The following TIGAR variants were observed in gnomAD, a reference collection of about 807,000 sequenced individuals.
TIGAR encodes the protein TP53 induced glycolysis regulatory phosphatase.
Under a neutral mutation model 17.9 loss-of-function variants are expected in TIGAR, and 7 were observed. The ratio of observed to expected loss-of-function variants is 0.39; its 90% CI spans 0.22 to 0.73. The LOEUF is 0.73. Among genes scored for constraint, TIGAR ranks in the 30% least tolerant of loss-of-function variants. The pLI, the probability that TIGAR is intolerant of heterozygous loss-of-function variation, is 0.42. For missense variants in TIGAR, 258 were observed against 327.4 expected (o/e 0.79, Z 1.64); for synonymous variants, 94 against 108.6 (o/e 0.87, Z 0.84).
chr12:4,346,843 A>G (rs1171715757), intron 3 of TIGAR, among the ~76,000 whole-genome samples: 1 of 152,224 alleles, frequency 6.6e-6, no homozygotes, highest in Non-Finnish European at 1.5e-5. Context: ...TATCCAAACT[A>G]CAATGAGTAT....
intron 3 of TIGAR, among the ~76,000 whole-genome samples, chr12:4,338,944 C>G (rs1864688562): frequency 7.9e-6 from 1 of 126,780 alleles, no homozygotes; most frequent in African/African-American, 2.9e-5. Flanking sequence ...CCACTGCACT[C>G]CAGCCTGGGC....
chr12:4,348,068 TGAG>T (rs1253690106), intron 3 of TIGAR, among the ~76,000 whole-genome samples: 1 of 151,930 alleles, frequency 6.6e-6, no homozygotes, highest in Non-Finnish European at 1.5e-5. Flanking sequence ...CTCAGGTAGT[TGAG>T]GCTGCAGTGA....
rs925727833 is a variant in TIGAR, at chr12:4,354,912, G to A, written c.*2221G>A. On this transcript the variant is annotated 3_prime_UTR_variant, in exon 6 of 6. Coordinates refer to ENST00000179259, the MANE Select transcript of TIGAR (RefSeq NM_020375.3). ...ACGCCTGGCCTTTTTTTTTTTTTTA[G>A]TAGAGACGGGGTTTCGCCATGTTGG... 2.2e-5 allele frequency among the ~76,000 whole-genome samples: 3 copies of A among 133,508 alleles called. No homozygotes were observed. Among genetic ancestry groups the A allele is most frequent in the East Asian group, 4.6e-4 (2 of 4,346 alleles). 87.6% of individuals were successfully genotyped at this position (133,508 alleles called of 152,430 possible).
chr12:4,346,663 G>A (rs1402107243), intron 3 of TIGAR, among the ~76,000 whole-genome samples: 1 of 152,020 alleles, frequency 6.6e-6, no homozygotes, highest in Non-Finnish European at 1.5e-5. Flanking sequence ...TAAATGGCGA[G>A]TTAATGGATG....
chr12:4,356,170 A>G lies in TIGAR; in HGVS notation c.*3479A>G, dbSNP rs961996889. Among the ~76,000 whole-genome samples the G allele has an allele frequency of 6.6e-5, 10 of 152,160 alleles. No individual in the cohort carries two copies. Among genetic ancestry groups the G allele is most frequent in the African/African-American group, 2.4e-4 (10 of 41,434 alleles). ...GGTTGGAGGCAGGGAAGATGGCAGC[A>G]CTGGCTGTTGGGCCATTTGAAGAAG... On this transcript the variant is annotated 3_prime_UTR_variant, in exon 6 of 6. Coordinates refer to ENST00000179259, the MANE Select transcript of TIGAR (RefSeq NM_020375.3).
At chr12:4,327,791 C>T (rs1864562606) in intron 1 of TIGAR, among the ~76,000 whole-genome samples, 1 of 152,048 alleles carries the variant, frequency 6.6e-6, no homozygotes, top group African/African-American at 2.4e-5. Context: ...CCTCAGCCTC[C>T]CGAGTCGCTG....
chr12:4,331,386 T>A lies in TIGAR; in HGVS notation c.70+69T>A. On this transcript the variant is annotated intron_variant, in intron 2 of 5. Transcript: ENST00000179259. ...AATAAGATGTGTGAGTTAAGCAGATTTGGTGGGGTGGGGTAGACTGGGGGC... is the reference window on the plus strand; with the variant it reads ...AATAAGATGTGTGAGTTAAGCAGATATGGTGGGGTGGGGTAGACTGGGGGC... 2.0e-6 allele frequency: 3 copies of A among 1,491,164 alleles called. No individual in the cohort carries two copies. In the South Asian group the frequency reaches 3.4e-5, roughly 17 times the overall value. The allele number at this position is 1,491,164 out of a possible 1,614,324, so 92.4% of individuals were successfully genotyped here. A position where few individuals can be genotyped will look rare whatever the true frequency, so the allele number is the denominator to read the frequency against.
chr12:4,321,288 T>C lies in TIGAR; in HGVS notation c.17T>C (p.Leu6Pro). 1 of 1,601,402 alleles carries C rather than the reference T, an allele frequency of 6.2e-7. No homozygotes were observed. The change falls in exon 1 of 6, where the codon CTG becomes CCG. Residue 6 changes from leucine (L) to proline (P), a missense_variant. Transcript: ENST00000179259. This position sits in a 1 kb window ranked among gnomAD's most constrained non-coding sequence, Gnocchi z 5.2. MARFA[L>P]TVVRHGETRF... ...TCCGGGAACATGGCTCGCTTCGCTC[T>C]GACTGTTGTCCGGCAGTGAGTATGG... is the stretch of plus-strand genomic sequence containing the variant.
At chr12:4,334,661 G>A (rs1038490929) in intron 2 of TIGAR, among the ~76,000 whole-genome samples, 13 of 152,012 alleles carry the variant, frequency 8.6e-5, no homozygotes, top group Admixed American at 3.9e-4. Flanking sequence ...ATTTGTTTTC[G>A]TCTCAGACCA....
chr12:4,348,338 A>G (rs571714576), intron 3 of TIGAR, among the ~76,000 whole-genome samples: 9 of 152,274 alleles, frequency 5.9e-5, no homozygotes, highest in African/African-American at 2.2e-4. Context: ...CCAAATCCCA[A>G]CCAGGATAAG....
chr12:4,331,673 A>T (rs887502788), intron 2 of TIGAR, among the ~76,000 whole-genome samples: 4 of 152,332 alleles, frequency 2.6e-5, no homozygotes, highest in Non-Finnish European at 5.9e-5. Flanking sequence ...ACTGGTGTTA[A>T]TGGTATTTTT....
Position 4,346,432 on chromosome 12 carries a change from A to G in TIGAR, c.193-3387A>G, listed in dbSNP as rs564585832. ...ATGGAATACTATGCAGCCATAAAAAAGGATGAGTTCATGTCCTCTGTAGGG... is the reference window on the plus strand; with the variant it reads ...ATGGAATACTATGCAGCCATAAAAAGGGATGAGTTCATGTCCTCTGTAGGG... On this transcript the variant is annotated intron_variant, in intron 3 of 5. Transcript: ENST00000179259. 3.2e-4 allele frequency among the ~76,000 whole-genome samples: 48 copies of G among 152,354 alleles called. No homozygotes were observed. The East Asian group carries it at 8.1e-3, about 26-fold the overall frequency.
At chr12:4,335,613 T>C (rs2120663953) in intron 2 of TIGAR, 1 of 152,232 alleles carries the variant, frequency 6.6e-6, no homozygotes, top group East Asian at 1.9e-4. Context: ...AACCCAACCA[T>C]GATGGTACCC....
chr12:4,338,467 G>A (rs112187072), intron 3 of TIGAR, among the ~76,000 whole-genome samples: 2,573 of 152,174 alleles, frequency 0.017, 49 homozygotes, highest in Non-Finnish European at 0.025. Context: ...AATTTGGGGA[G>A]GTTAATTTTT....
rs1317076282 is a variant in TIGAR, at chr12:4,321,855, C to G, written c.32+552C>G. Among the ~76,000 whole-genome samples, 8 of 152,212 alleles carry G rather than the reference C, an allele frequency of 5.3e-5. No individual in the cohort carries two copies. The highest frequency in any genetic ancestry group is 1.2e-4 in the Non-Finnish European group (8 of 68,044). On this transcript the variant is annotated intron_variant, in intron 1 of 5. Transcript: ENST00000179259. The surrounding 1 kb of genome is among the most constrained non-coding windows in gnomAD (Gnocchi z 5.2). ...GAGAAAAGAGGATCACAGCTCTGAT[C>G]TCAGCAGACCGTATCATCCCAAATA... is the stretch of plus-strand genomic sequence containing the variant.
intron 3 of TIGAR, among the ~76,000 whole-genome samples, chr12:4,340,590 A>C (rs909030412): frequency 6.6e-5 from 10 of 152,258 alleles, no homozygotes; most frequent in Non-Finnish European, 1.3e-4. Flanking sequence ...CAGAATGGCC[A>C]AAGCCATCCT....
Position 4,358,458 on chromosome 12 carries a change from T to G in TIGAR, c.*5767T>G, listed in dbSNP as rs542163767. ...GGAATGGCTGTATACTCTTCACACT[T>G]ATTCACCACTTGCTTACCTGTTGTC... On this transcript the variant is annotated 3_prime_UTR_variant, in exon 6 of 6. Transcript: ENST00000179259. Among the ~76,000 whole-genome samples the G allele has an allele frequency of 6.6e-6, 1 of 152,242 alleles. No homozygotes were observed. Among genetic ancestry groups the G allele is most frequent in the African/African-American group, 2.4e-5 (1 of 41,564 alleles).
chr12:4,335,190 A>AC (rs1455492828), intron 2 of TIGAR, among the ~76,000 whole-genome samples: 2 of 152,084 alleles, frequency 1.3e-5, no homozygotes, highest in African/African-American at 4.8e-5. Context: ...GGCGTGCTCC[A>AC]CCATGCCCAG....
rs1864892341 is a variant in TIGAR at position 4,355,643 on chromosome 12, C to T, written c.*2952C>T. ...CAGGCTATTTTAAGAACTACTACAA[C>T]TATGATAAAGCTGTGAATATGTAGC... On this transcript the variant is annotated 3_prime_UTR_variant, in exon 6 of 6. Transcript: ENST00000179259. Among the ~76,000 whole-genome samples the T allele has an allele frequency of 6.6e-6, 1 of 152,236 alleles. No individual in the cohort carries two copies. The highest frequency in any genetic ancestry group is 6.5e-5 in the Admixed American group (1 of 15,290).
Sources: gnomAD v4.1 joint callset for allele counts (sites outside exome capture counted in the v4.1 genomes callset) on GRCh38, gnomAD v4.1.1 for gene constraint, Gnocchi (gnomAD v3.1) non-coding constraint, MANE v1.5 for transcripts, NCBI Gene and HGNC (gene_info 2026-07-23, HGNC 2026-07-21) for gene names.